Variants in FAM20C observed in about 807,000 individuals in gnomAD.
The protein encoded by FAM20C is FAM20C golgi associated secretory pathway kinase.
In FAM20C, 40 loss-of-function variants were observed where a neutral mutation model predicts 51.5. The observed-to-expected ratio is 0.78, with a 90% CI of 0.60 to 1.01. FAM20C has a LOEUF of 1.01. FAM20C is among the 50% of genes least tolerant of loss of function. The pLI, the probability that FAM20C is intolerant of heterozygous loss-of-function variation, is 0.00. For synonymous variants in FAM20C, 406 were observed against 380.6 expected, an observed-to-expected ratio of 1.07 and a Z score of -0.78; for missense variants, 861 against 844.7, an observed-to-expected ratio of 1.02 and a Z score of -0.24.
intron 5 of FAM20C, among the ~76,000 whole-genome samples, chr7:251,919 T>C (rs370927027): frequency 6.6e-6 from 1 of 152,178 alleles, no homozygotes; most frequent in South Asian, 2.1e-4. Flanking sequence ...AGGCCCAGCA[T>C]TGTCAGGCGC....
At chr7:245,997 G>C (rs1366826289) in intron 3 of FAM20C, 1 of 159,052 alleles carries the variant, frequency 6.3e-6, no homozygotes, top group African/African-American at 2.4e-5. Flanking sequence ...GCTGAGCCAG[G>C]CCTGGGACAC....
In FAM20C at chr7:246,696, T is replaced by C. The variant is rs149204984; in HGVS notation, c.956+189T>C. Among the ~76,000 whole-genome samples, 2,335 of 59,848 alleles carry C rather than the reference T, an allele frequency of 0.039. 58 individuals carry two copies. The highest frequency in any genetic ancestry group is 0.14 in the Middle Eastern group (10 of 70). 39.3% of individuals were successfully genotyped at this position (59,848 alleles called of 152,430 possible). ...GGGTCCTGTATGTCATCGTCACCTT[T>C]GTCACCATCAGGCAGCGCCGGTGCC... On this transcript the variant is annotated intron_variant, in intron 4 of 9. Transcript: ENST00000313766.
At chr7:223,768 A>G (rs1787343284) in intron 3 of FAM20C, among the ~76,000 whole-genome samples, 1 of 152,226 alleles carries the variant, frequency 6.6e-6, no homozygotes, top group Non-Finnish European at 1.5e-5. Context: ...CGTTGCTTCC[A>G]GTTTCCTGGC....
chr7:253,830 C>G (rs2115166991), intron 5 of FAM20C, among the ~76,000 whole-genome samples: 1 of 152,340 alleles, frequency 6.6e-6, no homozygotes, highest in Admixed American at 6.5e-5. Context: ...CCATCTGAAA[C>G]CGGCTTAGGC....
intron 2 of FAM20C, chr7:197,288 C>CT (rs1249868446): frequency 6.0e-6 from 1 of 167,016 alleles, no homozygotes; most frequent in Non-Finnish European, 1.5e-5. Context: ...GGAACGAGCA[C>CT]TTCAGAGCCG....
intron 2 of FAM20C, among the ~76,000 whole-genome samples, chr7:198,508 A>G (rs970903965): frequency 1.3e-5 from 2 of 152,142 alleles, no homozygotes; most frequent in African/African-American, 4.8e-5. Flanking sequence ...AAAAGTCCTG[A>G]TTTTTCTCTG....
At position 258,642 on chromosome 7, in the gene FAM20C, G is replaced by A. The variant is rs778548462; in HGVS notation, c.1446-4G>A. The A allele has an allele frequency of 5.6e-5, 86 of 1,536,650 alleles. No homozygotes were observed. Among genetic ancestry groups the A allele is most frequent in the Non-Finnish European group, 6.6e-5 (76 of 1,146,570 alleles). On this transcript the variant is annotated splice_polypyrimidine_tract_variant and splice_region_variant and intron_variant, in intron 8 of 9. Transcript: ENST00000313766. ...CCTTGACAATTCTGCTTTTCTTCTG[G>A]AAGGTTTGGGAAGTATTCGCACGAC...
At chr7:236,143 C>T (rs1253101047) in intron 3 of FAM20C, among the ~76,000 whole-genome samples, 4 of 152,078 alleles carry the variant, frequency 2.6e-5, no homozygotes, top group Non-Finnish European at 5.9e-5. Flanking sequence ...AAGCCTTTTT[C>T]CCGGGGGCTG....
intron 3 of FAM20C, among the ~76,000 whole-genome samples, chr7:210,662 G>A (rs1435300508): frequency 6.6e-6 from 1 of 152,130 alleles, no homozygotes; most frequent in Non-Finnish European, 1.5e-5. Flanking sequence ...TCCCCTGGAG[G>A]GGTGGCCCCG....
intron 2 of FAM20C, among the ~76,000 whole-genome samples, chr7:208,385 A>G (rs571382429): frequency 1.0e-4 from 13 of 125,338 alleles, no homozygotes; most frequent in Non-Finnish European, 1.9e-4. Context: ...GTGTATGGGT[A>G]TGTACATGAC....
chr7:228,070 C>G, intron 3 of FAM20C: 1 of 232,820 alleles, frequency 4.3e-6, no homozygotes, highest in South Asian at 6.7e-5. Context: ...TTCTGAAGCC[C>G]TTTAGCCGCA....
intron 3 of FAM20C, among the ~76,000 whole-genome samples, chr7:236,293 C>A (rs934971983): frequency 2.0e-5 from 3 of 152,218 alleles, no homozygotes; most frequent in African/African-American, 4.8e-5. Flanking sequence ...TCCTCTCAAC[C>A]TTGCAGGTGC....
At chr7:244,116 G>A (rs1206025065) in intron 3 of FAM20C, among the ~76,000 whole-genome samples, 3 of 151,640 alleles carry the variant, frequency 2.0e-5, no homozygotes, top group Admixed American at 6.6e-5. Flanking sequence ...TTTATTTTTC[G>A]TAGACCTGGG....
chr7:241,024 T>A lies in FAM20C; in HGVS notation c.864-5391T>A, dbSNP rs1041060749. Among the ~76,000 whole-genome samples, 4 of 152,330 alleles carry A rather than the reference T, an allele frequency of 2.6e-5. No individual in the cohort carries two copies. The East Asian group carries it at 7.7e-4, about 29-fold the overall frequency. On this transcript the variant is annotated intron_variant, in intron 3 of 9. Coordinates refer to ENST00000313766, the MANE Select transcript of FAM20C (RefSeq NM_020223.4). ...TTCTAGAGGGAACTGGTGAGGTTTCTGCACTGATTGGAGAGCCCCAAGTGG... is the reference window on the plus strand; with the variant it reads ...TTCTAGAGGGAACTGGTGAGGTTTCAGCACTGATTGGAGAGCCCCAAGTGG...
intron 3 of FAM20C, among the ~76,000 whole-genome samples, chr7:220,587 C>T (rs1050944133): frequency 6.6e-6 from 1 of 152,176 alleles, no homozygotes; most frequent in Admixed American, 6.5e-5. Context: ...GTGTAGGCAC[C>T]GCCTGGGGAA....
At chr7:257,893 GATGCT>G (rs1562401101) in intron 8 of FAM20C, among the ~76,000 whole-genome samples, 2 of 138,400 alleles carry the variant, frequency 1.4e-5, no homozygotes, top group African/African-American at 6.0e-5. Flanking sequence ...CACTGCCCAG[GATGCT>G]GGAGATGGGC....
chr7:229,162 C>T (rs935444560), intron 3 of FAM20C: 16 of 286,514 alleles, frequency 5.6e-5, no homozygotes, highest in African/African-American at 2.6e-4. Flanking sequence ...TCAGCACCTC[C>T]GGGTTTGTGT....
intron 2 of FAM20C, among the ~76,000 whole-genome samples, chr7:206,707 ACGCGTCTGTCAT>A: frequency 7.3e-6 from 1 of 137,886 alleles, no homozygotes; most frequent in African/African-American, 2.8e-5. Flanking sequence ...GTCCACTGTG[ACGCGTCTGTCAT>A]GGTCCCCTCG....
At chr7:214,325 CAA>C (rs553411805) in intron 3 of FAM20C, among the ~76,000 whole-genome samples, 3 of 142,810 alleles carry the variant, frequency 2.1e-5, no homozygotes, top group African/African-American at 2.6e-5. Context: ...AACTCGGTCT[CAA>C]AAAAAAAAAA....
Sources: allele counts gnomAD v4.1 joint callset (sites outside exome capture counted in the v4.1 genomes callset), GRCh38; gene constraint gnomAD v4.1.1; transcripts MANE v1.5; gene names NCBI Gene and HGNC (gene_info 2026-07-23, HGNC 2026-07-21).